Variants in SRP19 observed in about 807,000 individuals in gnomAD.
SRP19 encodes the protein signal recognition particle 19.
A neutral mutation model predicts 22.4 loss-of-function variants in SRP19; 11 were observed. The observed-to-expected ratio is 0.49, with a 90% CI of 0.31 to 0.81. The LOEUF is 0.81. Among genes scored for constraint, SRP19 ranks in the 40% least tolerant of loss-of-function variants. The probability of loss-of-function intolerance (pLI) is 0.05; values close to 1 mark genes in which losing one functional copy is unlikely to be tolerated. For missense variants in SRP19, 168 were observed against 175.9 expected (o/e 0.96, Z 0.25); for synonymous variants, 61 against 57.6 (o/e 1.06, Z -0.27).
intron 1 of SRP19, among the ~76,000 whole-genome samples, chr5:112,862,089 G>C (rs1427097550): frequency 6.6e-6 from 1 of 152,152 alleles, no homozygotes; most frequent in Non-Finnish European, 1.5e-5. Flanking sequence ...TTTGAATAAG[G>C]AATTGAACAA....
At chr5:112,879,022 T>TA (rs1767984194) in intron 4 of SRP19, among the ~76,000 whole-genome samples, 1 of 152,022 alleles carries the variant, frequency 6.6e-6, no homozygotes, top group South Asian at 2.1e-4. Context: ...AGGTACCTCT[T>TA]AGAGCACAAA....
At chr5:112,895,993 G>C (rs540552838), downstream of SRP19, 1 of 152,328 alleles carries the variant, frequency 6.6e-6, no homozygotes, top group Admixed American at 6.5e-5. Context: ...ATTCTATTCC[G>C]TCTGTGCTTC....
Position 112,861,407 on chromosome 5 carries a change from G to A in SRP19, c.31G>A (p.Asp11Asn), listed in dbSNP as rs367813945. 72 of 1,614,090 alleles carry A rather than the reference G, an allele frequency of 4.5e-5. No homozygotes were observed. The highest frequency in any genetic ancestry group is 4.3e-4 in the African/African-American group (32 of 75,072). The change falls in exon 1 of 5, where the codon GAC becomes AAC. Residue 11 changes from aspartate to asparagine, a missense_variant. Coordinates refer to ENST00000505459, the MANE Select transcript of SRP19 (RefSeq NM_003135.3). MACAAARSPA[D>N]QDRFICIYPA... ...TTGCGCTGCCGCGCGGTCCCCGGCC[G>A]ACCAGGACAGGTGGGTTCTGAGGCG...
intron 4 of SRP19, among the ~76,000 whole-genome samples, chr5:112,886,306 T>TC (rs1768241789): frequency 6.6e-6 from 1 of 152,218 alleles, no homozygotes; most frequent in Admixed American, 6.5e-5. Flanking sequence ...ATGTTACAAT[T>TC]CAGAACTATA....
chr5:112,874,036 C>T (rs919803192), downstream of SRP19, among the ~76,000 whole-genome samples: 1 of 152,084 alleles, frequency 6.6e-6, no homozygotes, highest in Non-Finnish European at 1.5e-5. Context: ...CCTGGTGGCA[C>T]ATACCTGTAG....
chr5:112,868,490 T>A lies in SRP19; in HGVS notation c.*953T>A. 1.7e-6 allele frequency: 1 copy of A among 590,650 alleles called. No homozygotes were observed. The highest frequency in any genetic ancestry group is 2.1e-6 in the Non-Finnish European group (1 of 469,234). 36.6% of individuals were successfully genotyped at this position (590,650 alleles called of 1,614,324 possible). The stretch of plus-strand genomic sequence containing the variant: ...ATATCGGCGTACCACAACCTCTGCA[T>A]CCCAGGTTCAAGAGATTCTCCTGCC... On this transcript the variant is annotated 3_prime_UTR_variant, in exon 5 of 5. Coordinates refer to ENST00000505459, the MANE Select transcript of SRP19 (RefSeq NM_003135.3).
intron 4 of SRP19, chr5:112,877,862 G>GAAGAT (rs1561644143): frequency 6.6e-6 from 1 of 152,172 alleles, no homozygotes; most frequent in Non-Finnish European, 1.5e-5. Context: ...TCTCCGCTTT[G>GAAGAT]AAGATAAAAC....
intron 4 of SRP19, among the ~76,000 whole-genome samples, chr5:112,875,610 C>T (rs543949110): frequency 1.2e-3 from 186 of 152,186 alleles, no homozygotes; most frequent in African/African-American, 3.8e-3. Context: ...TCAAGCAATC[C>T]GCCCACCTCG....
chr5:112,889,494 C>T (rs1466045225), intron 4 of SRP19, among the ~76,000 whole-genome samples: 1 of 150,554 alleles, frequency 6.6e-6, no homozygotes, highest in African/African-American at 2.5e-5. Flanking sequence ...ATTAAAATTC[C>T]TGAACTTGTA....
chr5:112,888,169 T>G (rs1768318071), intron 4 of SRP19, among the ~76,000 whole-genome samples: 1 of 94,470 alleles, frequency 1.1e-5, no homozygotes, highest in African/African-American at 9.8e-5. Context: ...TGCTTTAAAT[T>G]TAAGTCTTAG....
chr5:112,887,791 AT>A (rs1007441155), intron 4 of SRP19, among the ~76,000 whole-genome samples: 8 of 151,480 alleles, frequency 5.3e-5, no homozygotes, highest in East Asian at 3.9e-4. Flanking sequence ...TGCCATTGAG[AT>A]TTTTTTTTAA....
chr5:112,873,979 C>G (rs1437691081), downstream of SRP19, among the ~76,000 whole-genome samples: 29 of 151,254 alleles, frequency 1.9e-4, no homozygotes, highest in Admixed American at 1.8e-3. Context: ...GCCTGGGCAA[C>G]ATAGGGAGAC....
At chr5:112,891,442 AC>A (rs1385872531) in intron 4 of SRP19, among the ~76,000 whole-genome samples, 5 of 152,184 alleles carry the variant, frequency 3.3e-5, no homozygotes, top group African/African-American at 1.2e-4. Context: ...ATACTTAATT[AC>A]AAAAAAAGTC....
intron 1 of SRP19, 163 bp from the exon 2 acceptor site, chr5:112,862,345 A>T: frequency 1.5e-6 from 1 of 688,084 alleles, no homozygotes; most frequent in South Asian, 1.6e-5. Flanking sequence ...ACTCCGAGGT[A>T]CTTTGATTTT....
rs1561650596 is a variant in SRP19 at position 112,891,901 on chromosome 5, C to G, written c.*294C>G. ...GTGGTTGCTGAGGGAGCAGAAGGCA[C>G]AAGAAGAATTCAGAATAAAGAAGGA... On this transcript the variant is annotated 3_prime_UTR_variant, in exon 5 of 5. Transcript: ENST00000391338. 2.3e-6 allele frequency: 3 copies of G among 1,324,988 alleles called. No individual in the cohort carries two copies. In the South Asian group the frequency reaches 3.5e-5, roughly 16 times the overall value. The allele number at this position is 1,324,988 out of a possible 1,614,324, so 82.1% of individuals were successfully genotyped here. A position where few individuals can be genotyped will look rare whatever the true frequency, so the allele number is the denominator to read the frequency against.
At chr5:112,871,137 T>C (rs866743234), downstream of SRP19, among the ~76,000 whole-genome samples, 1 of 152,102 alleles carries the variant, frequency 6.6e-6, no homozygotes, top group Non-Finnish European at 1.5e-5. Flanking sequence ...AGATACCCAG[T>C]CTGTGGTGTT....
At chr5:112,880,442 G>A (rs1208192684) in intron 4 of SRP19, among the ~76,000 whole-genome samples, 2 of 151,730 alleles carry the variant, frequency 1.3e-5, no homozygotes, top group African/African-American at 4.9e-5. Flanking sequence ...TGGAGCCAGA[G>A]CCTTAGTGAT....
intron 4 of SRP19, chr5:112,885,286 CA>C (rs1485330519): frequency 1.2e-5 from 2 of 172,274 alleles, no homozygotes; most frequent in Non-Finnish European, 2.5e-5. Context: ...AGACAGAAAG[CA>C]AGCTCAAATG....
At chr5:112,875,724 AGCATAATTTGGAG>A (rs1767878494) in intron 4 of SRP19, among the ~76,000 whole-genome samples, 1 of 152,154 alleles carries the variant, frequency 6.6e-6, no homozygotes, top group Non-Finnish European at 1.5e-5. Flanking sequence ...AAACAAGTAC[AGCATAATTTGGAG>A]GCACATGTAA....
Sources: gnomAD v4.1 joint callset for allele counts (sites outside exome capture counted in the v4.1 genomes callset) on GRCh38, gnomAD v4.1.1 for gene constraint, MANE v1.5 for transcripts, NCBI Gene and HGNC (gene_info 2026-07-23, HGNC 2026-07-21) for gene names.